The following SLC24A2 variants were observed in gnomAD, a reference collection of about 807,000 sequenced individuals.
SLC24A2 encodes solute carrier family 24 member 2.
In SLC24A2, 36 loss-of-function variants were observed where a neutral mutation model predicts 62.0. The ratio of observed to expected loss-of-function variants is 0.58; its 90% CI spans 0.44 to 0.77. The LOEUF is 0.77. Among genes scored for constraint, SLC24A2 ranks in the 30% least tolerant of loss-of-function variants. The pLI is 0.00. For missense variants in SLC24A2, 846 were observed against 817.9 expected (o/e 1.03, Z -0.42); for synonymous variants, 358 against 294.0 (o/e 1.22, Z -2.23).
intron 5 of SLC24A2, among the ~76,000 whole-genome samples, chr9:19,586,026 C>T (rs530663834): frequency 6.6e-6 from 1 of 152,182 alleles, no homozygotes; most frequent in Non-Finnish European, 1.5e-5. Flanking sequence ...TCCTGATTTA[C>T]TCTTCACAAG....
chr9:19,829,003 A>G, the SLC24A2 span, among the ~76,000 whole-genome samples: 1 of 152,142 alleles, frequency 6.6e-6, no homozygotes, highest in South Asian at 2.1e-4. Flanking sequence ...TAATTCCCAG[A>G]CCGACTGGCT....
chr9:19,844,732 G>A, the SLC24A2 span, among the ~76,000 whole-genome samples: 2 of 152,060 alleles, frequency 1.3e-5, no homozygotes, highest in Non-Finnish European at 1.5e-5. Flanking sequence ...ATTCTTCTGC[G>A]TAAGGCTAAC....
chr9:20,127,776 G>A, the SLC24A2 span, among the ~76,000 whole-genome samples: 1 of 152,126 alleles, frequency 6.6e-6, no homozygotes, highest in African/African-American at 2.4e-5. Flanking sequence ...GGAGGGCACG[G>A]AAGCAGCAAC....
At chr9:20,053,420 T>C in the SLC24A2 span, among the ~76,000 whole-genome samples, 1 of 152,166 alleles carries the variant, frequency 6.6e-6, no homozygotes, top group Non-Finnish European at 1.5e-5. Context: ...TTGCCTTTCT[T>C]TTCACTCTCT....
the SLC24A2 span, among the ~76,000 whole-genome samples, chr9:19,958,543 C>T: frequency 6.6e-6 from 1 of 152,244 alleles, no homozygotes; most frequent in Middle Eastern, 3.4e-3. Context: ...TGCAGATCGG[C>T]GAGCACGTGC....
the SLC24A2 span, among the ~76,000 whole-genome samples, chr9:20,049,918 C>T: frequency 9.9e-4 from 150 of 152,172 alleles, 1 homozygote; most frequent in South Asian, 3.3e-3. Flanking sequence ...AAGGGGAAAA[C>T]AACCCACTTC....
At chr9:19,616,295 G>A (rs1359128254) in intron 4 of SLC24A2, among the ~76,000 whole-genome samples, 1 of 152,146 alleles carries the variant, frequency 6.6e-6, no homozygotes, top group Non-Finnish European at 1.5e-5. Context: ...AACGCTTTGT[G>A]TATATTCACA....
At chr9:19,710,767 C>T (rs556234489) in intron 2 of SLC24A2, among the ~76,000 whole-genome samples, 1 of 152,082 alleles carries the variant, frequency 6.6e-6, no homozygotes, top group Non-Finnish European at 1.5e-5. Flanking sequence ...TTAGGCAGAT[C>T]GCTCTGGCCA....
chr9:19,565,304 A>G (rs1369419247), intron 7 of SLC24A2, among the ~76,000 whole-genome samples: 1 of 146,552 alleles, frequency 6.8e-6, no homozygotes, highest in Non-Finnish European at 1.5e-5. Context: ...AATCACAAGC[A>G]TTCTTATACA....
chr9:19,842,062 C>T, the SLC24A2 span, among the ~76,000 whole-genome samples: 3 of 152,194 alleles, frequency 2.0e-5, no homozygotes, highest in Non-Finnish European at 2.9e-5. Context: ...GACCAGTCAC[C>T]TGGTGACAGA....
intron 4 of SLC24A2, among the ~76,000 whole-genome samples, chr9:19,605,526 G>T (rs1470717732): frequency 6.6e-6 from 1 of 152,192 alleles, no homozygotes; most frequent in Non-Finnish European, 1.5e-5. Context: ...TAGAAAATCG[G>T]TTCCCATGTT....
chr9:19,728,648 A>C (rs943611307), intron 2 of SLC24A2, among the ~76,000 whole-genome samples: 1 of 151,904 alleles, frequency 6.6e-6, no homozygotes, highest in Non-Finnish European at 1.5e-5. Flanking sequence ...TAACTGCTTC[A>C]AAAAAAATGA....
chr9:20,117,702 T>C, the SLC24A2 span, among the ~76,000 whole-genome samples: 1 of 152,278 alleles, frequency 6.6e-6, no homozygotes, highest in South Asian at 2.1e-4. Flanking sequence ...GTGCCAGGTC[T>C]GTTTGATTCC....
the SLC24A2 span, among the ~76,000 whole-genome samples, chr9:19,888,037 G>A: frequency 9.9e-5 from 15 of 152,248 alleles, no homozygotes; most frequent in Non-Finnish European, 1.2e-4. Flanking sequence ...TCTACTTCTC[G>A]TTGATGGGTA....
the SLC24A2 span, among the ~76,000 whole-genome samples, chr9:19,832,614 G>T: frequency 1.3e-5 from 2 of 152,126 alleles, no homozygotes; most frequent in Non-Finnish European, 2.9e-5. Flanking sequence ...AGACTTAAAT[G>T]TTACACCTAA....
the SLC24A2 span, among the ~76,000 whole-genome samples, chr9:19,966,763 A>G: frequency 2.6e-5 from 4 of 152,236 alleles, no homozygotes; most frequent in African/African-American, 4.8e-5. Context: ...TAGATATACA[A>G]TTAACAGAGT....
At chr9:19,541,889 T>C (rs1355093491) in intron 8 of SLC24A2, among the ~76,000 whole-genome samples, 1 of 152,024 alleles carries the variant, frequency 6.6e-6, no homozygotes, top group East Asian at 1.9e-4. Context: ...CTGAGCCAGG[T>C]GTGGGATATA....
At chr9:20,022,089 C>T in the SLC24A2 span, among the ~76,000 whole-genome samples, 2 of 152,178 alleles carry the variant, frequency 1.3e-5, no homozygotes, top group Non-Finnish European at 2.9e-5. Flanking sequence ...ATGTTAACTA[C>T]ATTTAAGGTA....
Position 19,528,058 on chromosome 9 carries a change from C to G in SLC24A2, c.1560G>C (p.Trp520Cys). 6.3e-7 allele frequency: 1 copy of G among 1,584,874 alleles called. No individual in the cohort carries two copies. The change falls in exon 9 of 11, where the codon TGG becomes TGC. Residue 520 changes from tryptophan (W) to cysteine (C), a missense_variant. Physicochemically the swap from Trp to Cys is radical, Grantham distance 215. Transcript: ENST00000341998. ...ACTATCAAAATCTTACCTGGTGCGC[C>G]CACCAGACCATCAAGTAAGAGAATA... ...IAVFSYLMVW[W>C]AHQVGETIGI...
Sources: gnomAD v4.1 joint callset for allele counts (sites outside exome capture counted in the v4.1 genomes callset) on GRCh38, gnomAD v4.1.1 for gene constraint, MANE v1.5 for transcripts, NCBI Gene and HGNC (gene_info 2026-07-23, HGNC 2026-07-21) for gene names.